HDAC9: variants seen among roughly 807,000 people sequenced by gnomAD.
HDAC9 encodes the protein MEF-2 interacting transcription repressor (MITR) protein.
In HDAC9, 41 loss-of-function variants were observed where a neutral mutation model predicts 139.4. The observed-to-expected ratio is 0.29, with a 90% CI of 0.23 to 0.38. HDAC9 has a LOEUF of 0.38. Among genes scored for constraint, HDAC9 ranks in the 10% least tolerant of loss-of-function variants. HDAC9 has a pLI of 1.00. For synonymous variants in HDAC9, 517 were observed against 476.2 expected (o/e 1.09, Z -1.12); for missense variants, 1,147 against 1,297.0 (o/e 0.88, Z 1.78).
At chr7:18,954,076 G>T in intron 23 of HDAC9, 70 bp from the exon 24 acceptor site, 1 of 1,041,692 alleles carries the variant, frequency 9.6e-7, no homozygotes, top group Non-Finnish European at 1.4e-6. Context: ...GTTTCAGTTT[G>T]CTTTGCTTCT....
chr7:18,526,790 A>G (rs928235957), intron 2 of HDAC9, among the ~76,000 whole-genome samples: 4 of 152,160 alleles, frequency 2.6e-5, no homozygotes, highest in Non-Finnish European at 5.9e-5. Context: ...ATCCTGAAGT[A>G]CAGCCTGAGA....
intron 2 of HDAC9, among the ~76,000 whole-genome samples, chr7:18,168,670 A>T (rs1455406313): frequency 2.0e-5 from 3 of 151,954 alleles, no homozygotes; most frequent in Non-Finnish European, 4.4e-5. Flanking sequence ...TGTAACCTGT[A>T]CTTTTACACT....
intron 2 of HDAC9, among the ~76,000 whole-genome samples, chr7:18,260,885 T>C (rs1795624396): frequency 6.6e-6 from 1 of 152,176 alleles, no homozygotes; most frequent in Admixed American, 6.5e-5. Context: ...GCTCTTACTT[T>C]AGAAGTCATA....
At chr7:18,171,262 A>G (rs1387111290) in intron 2 of HDAC9, among the ~76,000 whole-genome samples, 2 of 152,148 alleles carry the variant, frequency 1.3e-5, no homozygotes, top group Non-Finnish European at 2.9e-5. Context: ...TTATTGGTGT[A>G]TAGGAATGCT....
chr7:18,903,386 C>G (rs562162168), intron 22 of HDAC9, among the ~76,000 whole-genome samples: 1 of 152,190 alleles, frequency 6.6e-6, no homozygotes, highest in Admixed American at 6.5e-5. Flanking sequence ...ATCAGGGAAT[C>G]GGTAATAATC....
intron 2 of HDAC9, among the ~76,000 whole-genome samples, chr7:18,235,911 TACTG>T (rs1793782552): frequency 6.6e-6 from 1 of 152,228 alleles, no homozygotes; most frequent in African/African-American, 2.4e-5. Context: ...AATGCTAAGA[TACTG>T]ACACTAAGGA....
intron 11 of HDAC9, among the ~76,000 whole-genome samples, chr7:18,664,340 T>G (rs757594619): frequency 2.0e-5 from 3 of 152,140 alleles, no homozygotes; most frequent in Non-Finnish European, 4.4e-5. Flanking sequence ...TGATATGAGT[T>G]TTGATTGGTA....
At chr7:18,344,122 G>A (rs1173569665) in intron 1 of HDAC9, among the ~76,000 whole-genome samples, 1 of 151,704 alleles carries the variant, frequency 6.6e-6, no homozygotes, top group Admixed American at 6.6e-5. Context: ...CAGTTTCTTA[G>A]CACATGTAAT....
chr7:18,212,967 G>T (rs769796700), intron 2 of HDAC9, among the ~76,000 whole-genome samples: 3 of 152,194 alleles, frequency 2.0e-5, no homozygotes, highest in Non-Finnish European at 4.4e-5. Context: ...TCTAGAAAAC[G>T]CAAGTTATAT....
chr7:18,265,097 T>C lies in HDAC9; in HGVS notation c.25+102748T>C, dbSNP rs1584917593. On this transcript the variant is annotated intron_variant, in intron 2 of 12. Transcript: ENST00000417496. ...AGGAGTCTCAATGCTGGCTGAAGAA[T>C]GGAAAGGACTTTTATTACAAATAGT... Among the ~76,000 whole-genome samples, 3 of 152,292 alleles carry C rather than the reference T, an allele frequency of 2.0e-5. No homozygotes were observed. The South Asian group carries it at 6.2e-4, about 32-fold the overall frequency.
At chr7:18,378,985 A>T (rs1414940172) in intron 1 of HDAC9, among the ~76,000 whole-genome samples, 1 of 152,168 alleles carries the variant, frequency 6.6e-6, no homozygotes, top group Non-Finnish European at 1.5e-5. Context: ...ATAAAACCAA[A>T]GTTTGCTTTT....
intron 1 of HDAC9, among the ~76,000 whole-genome samples, chr7:18,372,482 C>T (rs1445865297): frequency 1.3e-5 from 2 of 152,158 alleles, no homozygotes; most frequent in African/African-American, 2.4e-5. Context: ...GTGAAGACCA[C>T]GTCAGATGTT....
intron 21 of HDAC9, among the ~76,000 whole-genome samples, chr7:18,840,660 A>T (rs757204297): frequency 6.6e-6 from 1 of 152,124 alleles, no homozygotes; most frequent in African/African-American, 2.4e-5. Context: ...TGTTTTTGCT[A>T]TATAGTCAAA....
chr7:18,850,724 A>G (rs532090411), intron 21 of HDAC9, among the ~76,000 whole-genome samples: 3 of 152,272 alleles, frequency 2.0e-5, no homozygotes, highest in African/African-American at 7.2e-5. Flanking sequence ...CATATCATGG[A>G]CTGGATGGCC....
chr7:18,251,818 A>G (rs561044507), intron 2 of HDAC9, among the ~76,000 whole-genome samples: 3 of 152,304 alleles, frequency 2.0e-5, no homozygotes, highest in African/African-American at 4.8e-5. Context: ...GTATATGCGT[A>G]TGTGGCTTAC....
chr7:18,281,182 G>GTGAGTC (rs1797082588), intron 2 of HDAC9, among the ~76,000 whole-genome samples: 2 of 152,224 alleles, frequency 1.3e-5, no homozygotes, highest in South Asian at 4.1e-4. Context: ...AGCTTAGTTT[G>GTGAGTC]TGAGTCTGAA....
intron 2 of HDAC9, among the ~76,000 whole-genome samples, chr7:18,553,917 C>T (rs151091648): frequency 9.9e-5 from 15 of 152,246 alleles, no homozygotes; most frequent in African/African-American, 3.4e-4. Flanking sequence ...AAGGGACTTA[C>T]AGTCTGGCTC....
At chr7:18,611,271 T>C (rs533684358) in intron 6 of HDAC9, among the ~76,000 whole-genome samples, 1 of 152,066 alleles carries the variant, frequency 6.6e-6, no homozygotes, top group Non-Finnish European at 1.5e-5. Context: ...AGGGTATTAT[T>C]TGGTCAGGAA....
At chr7:18,784,834 G>T (rs1295139637) in intron 16 of HDAC9, among the ~76,000 whole-genome samples, 1 of 152,020 alleles carries the variant, frequency 6.6e-6, no homozygotes, top group African/African-American at 2.4e-5. Context: ...GCCACTCAAA[G>T]GCAGCAGACT....
Sources: allele counts gnomAD v4.1 joint callset (sites outside exome capture counted in the v4.1 genomes callset), GRCh38; gene constraint gnomAD v4.1.1; transcripts MANE v1.5; gene names NCBI Gene and HGNC (gene_info 2026-07-23, HGNC 2026-07-21).